Variants in FRMD4B observed in about 807,000 individuals in gnomAD.
FRMD4B encodes the protein FERM domain-containing protein 4B.
In FRMD4B, 74 loss-of-function variants were observed where a neutral mutation model predicts 141.5. That is an observed-to-expected ratio of 0.52 (90% CI 0.43 to 0.63). The LOEUF is 0.63. Ranked by LOEUF, FRMD4B falls within the 30% of genes least tolerant of loss-of-function variation. The probability of loss-of-function intolerance (pLI) is 0.00; values close to 1 mark genes in which losing one functional copy is unlikely to be tolerated. For missense variants in FRMD4B, 1,366 were observed against 1,253.4 expected, an observed-to-expected ratio of 1.09 and a Z score of -1.36; for synonymous variants, 506 against 467.9, an observed-to-expected ratio of 1.08 and a Z score of -1.05.
intron 1 of FRMD4B, among the ~76,000 whole-genome samples, chr3:69,475,720 C>G (rs148652431): frequency 0.17 from 25,904 of 151,266 alleles, 2,553 homozygotes; most frequent in African/African-American, 0.27. Context: ...GGGTATATAC[C>G]CAGTAATGGG....
At chr3:69,430,490 T>G (rs1398881061) in intron 2 of FRMD4B, among the ~76,000 whole-genome samples, 1 of 152,184 alleles carries the variant, frequency 6.6e-6, no homozygotes, top group East Asian at 1.9e-4. Flanking sequence ...GTCTGTCTAT[T>G]TCAGTTACAA....
At chr3:69,321,436 T>C (rs1047322165) in intron 1 of FRMD4B, among the ~76,000 whole-genome samples, 2 of 152,202 alleles carry the variant, frequency 1.3e-5, no homozygotes, top group Non-Finnish European at 2.9e-5. Flanking sequence ...TTCATAAAAA[T>C]GCCTCCTCAG....
chr3:69,403,642 T>A (rs932214240), intron 2 of FRMD4B, among the ~76,000 whole-genome samples: 3 of 152,098 alleles, frequency 2.0e-5, no homozygotes, highest in South Asian at 2.1e-4. Context: ...CAAGACAGGT[T>A]TTGGAAGTAT....
At chr3:69,539,466 A>G (rs1701133861) in intron 1 of FRMD4B, among the ~76,000 whole-genome samples, 1 of 152,196 alleles carries the variant, frequency 6.6e-6, no homozygotes, top group Non-Finnish European at 1.5e-5. Flanking sequence ...TGAAAAGCCC[A>G]TTCACTTTTC....
intron 11 of FRMD4B, among the ~76,000 whole-genome samples, chr3:69,212,037 A>C (rs1328670932): frequency 1.3e-5 from 2 of 151,984 alleles, no homozygotes; most frequent in Non-Finnish European, 2.9e-5. Flanking sequence ...CCCCCCAAAA[A>C]AAAAAACGGA....
At chr3:69,476,827 T>C (rs962612165) in intron 1 of FRMD4B, among the ~76,000 whole-genome samples, 21 of 152,212 alleles carry the variant, frequency 1.4e-4, no homozygotes, top group Admixed American at 2.6e-4. Flanking sequence ...TGATTCTTCC[T>C]ACCCATAAGC....
At chr3:69,390,971 C>T (rs1704370749), upstream of FRMD4B, among the ~76,000 whole-genome samples, 1 of 152,146 alleles carries the variant, frequency 6.6e-6, no homozygotes, top group Admixed American at 6.5e-5. Context: ...GAGAAACAGT[C>T]TTCCCTCTTG....
At chr3:69,231,106 G>A (rs955999592) in intron 7 of FRMD4B, among the ~76,000 whole-genome samples, 4 of 152,166 alleles carry the variant, frequency 2.6e-5, no homozygotes, top group Non-Finnish European at 4.4e-5. Flanking sequence ...GAGACAGCCC[G>A]GAAATACTGG....
chr3:69,423,573 T>G (rs1705020795), intron 2 of FRMD4B, among the ~76,000 whole-genome samples: 1 of 152,198 alleles, frequency 6.6e-6, no homozygotes, highest in Non-Finnish European at 1.5e-5. Flanking sequence ...AGCTGTGGTA[T>G]GAATGTTTGT....
chr3:69,200,456 A>G, intron 11 of FRMD4B: 1 of 992,936 alleles, frequency 1.0e-6, no homozygotes, highest in Non-Finnish European at 1.2e-6. Flanking sequence ...GTGAGGAAAA[A>G]CCTCAGGGTT....
intron 1 of FRMD4B, among the ~76,000 whole-genome samples, chr3:69,384,889 G>A (rs1173854186): frequency 6.6e-6 from 1 of 152,102 alleles, no homozygotes; most frequent in African/African-American, 2.4e-5. Context: ...TAGGAACAGG[G>A]TCAAATGGGG....
At position 69,319,680 on chromosome 3, in the gene FRMD4B, A is replaced by T. The variant is rs534921934; in HGVS notation, c.163-6163T>A. Among the ~76,000 whole-genome samples the T allele has an allele frequency of 1.2e-3, 185 of 152,282 alleles. 1 individual carries two copies. Among genetic ancestry groups the T allele is most frequent in the Non-Finnish European group, 2.2e-3 (152 of 68,010 alleles). ...TTGCACTAAGCACTTTACATAATCA[A>T]TTCTCATGATGCTTACATGAGGTGG... is the stretch of plus-strand genomic sequence containing the variant. On this transcript the variant is annotated intron_variant, in intron 1 of 22. Coordinates refer to ENST00000398540, the MANE Select transcript of FRMD4B (RefSeq NM_015123.3).
At chr3:69,328,493 G>C (rs1938464810) in intron 1 of FRMD4B, among the ~76,000 whole-genome samples, 1 of 152,106 alleles carries the variant, frequency 6.6e-6, no homozygotes, top group Non-Finnish European at 1.5e-5. Context: ...GTAAAATAAG[G>C]CTGAGACCTA....
intron 7 of FRMD4B, among the ~76,000 whole-genome samples, chr3:69,246,460 TAAACAAAAAC>T (rs1474083335): frequency 1.3e-5 from 2 of 151,864 alleles, no homozygotes; most frequent in Non-Finnish European, 2.9e-5. Flanking sequence ...ATCTCAAAAA[TAAACAAAAAC>T]AAAATAAAAC....
chr3:69,246,463 A>G (rs1007225577), intron 7 of FRMD4B, among the ~76,000 whole-genome samples: 2 of 152,174 alleles, frequency 1.3e-5, no homozygotes, highest in African/African-American at 4.8e-5. Flanking sequence ...TCAAAAATAA[A>G]CAAAAACAAA....
At chr3:69,225,287 A>G (rs1283238167) in intron 7 of FRMD4B, among the ~76,000 whole-genome samples, 1 of 152,182 alleles carries the variant, frequency 6.6e-6, no homozygotes, top group Non-Finnish European at 1.5e-5. Context: ...TAAGTGAACT[A>G]AAATGTACCT....
At chr3:69,279,649 T>C (rs2093634307) in intron 5 of FRMD4B, among the ~76,000 whole-genome samples, 2 of 149,434 alleles carry the variant, frequency 1.3e-5, no homozygotes, top group African/African-American at 4.9e-5. Flanking sequence ...AAGAGTTGAG[T>C]TGCTATCCTC....
intron 1 of FRMD4B, among the ~76,000 whole-genome samples, chr3:69,529,571 T>C (rs1700983630): frequency 6.6e-6 from 1 of 151,936 alleles, no homozygotes; most frequent in Admixed American, 6.6e-5. Flanking sequence ...TCCACACCCA[T>C]CCTCAAAGGG....
intron 1 of FRMD4B, among the ~76,000 whole-genome samples, chr3:69,325,890 T>C (rs1018801111): frequency 6.6e-6 from 1 of 152,178 alleles, no homozygotes; most frequent in Non-Finnish European, 1.5e-5. Context: ...TTGAGTACTA[T>C]CCTGTTCTCC....
Sources: allele counts gnomAD v4.1 joint callset (sites outside exome capture counted in the v4.1 genomes callset), GRCh38; gene constraint gnomAD v4.1.1; transcripts MANE v1.5; gene names NCBI Gene and HGNC (gene_info 2026-07-23, HGNC 2026-07-21).